Variants in CFAP46 observed in about 807,000 individuals in gnomAD.
CFAP46 encodes cilia- and flagella-associated protein 46.
A neutral mutation model predicts 325.7 loss-of-function variants in CFAP46; 245 were observed. The observed-to-expected ratio is 0.75, with a 90% CI of 0.68 to 0.84. CFAP46 has a LOEUF of 0.84. CFAP46 is among the 40% of genes least tolerant of loss of function. The probability of loss-of-function intolerance (pLI) is 0.00; values close to 1 mark genes in which losing one functional copy is unlikely to be tolerated. For synonymous variants in CFAP46, 1,523 were observed against 1,495.9 expected, an observed-to-expected ratio of 1.02 and a Z score of -0.42; for missense variants, 3,346 against 3,543.0, an observed-to-expected ratio of 0.94 and a Z score of 1.41.
Position 132,899,616 on chromosome 10 carries a change from T to C in CFAP46, c.2975A>G (p.Gln992Arg), listed in dbSNP as rs1214739321. The change falls in exon 23 of 58, where the codon CAG becomes CGG. Residue 992 changes from glutamine (Q) to arginine (R), a missense_variant. Transcript: ENST00000368586. ...AEMLCTATAI[Q>R]GRSIMENLKG... is the part of the protein sequence containing the mutation. ...CAGGTTTTCCATGATGCTCCTGCCC[T>C]GGATGGCCGTGGCTGTGCACAGCAT... 6.5e-7 allele frequency: 1 copy of C among 1,550,254 alleles called. No individual in the cohort carries two copies. The highest frequency in any genetic ancestry group is 8.7e-7 in the Non-Finnish European group (1 of 1,146,950).
At chr10:132,846,861 C>T in intron 43 of CFAP46, 71 bp downstream of exon 43, 1 of 1,507,724 alleles carries the variant, frequency 6.6e-7, no homozygotes, top group Non-Finnish European at 8.9e-7. Context: ...AGGCGAGGGC[C>T]CCAGCTGAAG....
chr10:132,813,946 G>A (rs925409807), intron 54 of CFAP46, among the ~76,000 whole-genome samples: 1 of 152,226 alleles, frequency 6.6e-6, no homozygotes, highest in Non-Finnish European at 1.5e-5. Context: ...GGGGGCCCCA[G>A]GTCGCCATCT....
intron 11 of CFAP46, among the ~76,000 whole-genome samples, chr10:132,924,040 C>T (rs772693463): frequency 1.1e-4 from 16 of 152,096 alleles, no homozygotes; most frequent in Admixed American, 7.2e-4. Flanking sequence ...ATTGTGCTGA[C>T]GGCAACGAAG....
At chr10:132,850,489 C>T in intron 40 of CFAP46, 57 bp from the exon 41 acceptor site, 1 of 1,463,444 alleles carries the variant, frequency 6.8e-7, no homozygotes, top group Non-Finnish European at 9.1e-7. Context: ...CCCACCCTGC[C>T]CAGGGGACCC....
At chr10:132,881,836 C>T (rs912353248) in intron 27 of CFAP46, among the ~76,000 whole-genome samples, 6 of 152,282 alleles carry the variant, frequency 3.9e-5, no homozygotes, top group African/African-American at 1.4e-4. Context: ...CTGTGGCTCT[C>T]TGAGCGCTGG....
At chr10:132,917,773 T>G (rs1444182771) in intron 16 of CFAP46, among the ~76,000 whole-genome samples, 2 of 152,280 alleles carry the variant, frequency 1.3e-5, no homozygotes, top group South Asian at 4.1e-4. Flanking sequence ...ATATCTGCAG[T>G]GGGTTAACAG....
At chr10:132,873,786 G>A (rs920295235) in intron 31 of CFAP46, among the ~76,000 whole-genome samples, 4 of 152,166 alleles carry the variant, frequency 2.6e-5, no homozygotes, top group African/African-American at 9.7e-5. Context: ...GAGGCTGATC[G>A]GGAGAGCGAG....
chr10:132,811,592 T>TG (rs992504077), intron 55 of CFAP46, among the ~76,000 whole-genome samples: 2 of 152,188 alleles, frequency 1.3e-5, no homozygotes, highest in African/African-American at 4.8e-5. Context: ...AGGGCAACCC[T>TG]GGGCGCTGCC....
At chr10:132,900,132 T>G (rs931102434) in intron 22 of CFAP46, among the ~76,000 whole-genome samples, 1 of 152,202 alleles carries the variant, frequency 6.6e-6, no homozygotes, top group African/African-American at 2.4e-5. Context: ...AATCATTAAC[T>G]GTTTTTTTAA....
rs1190582379 is a variant in CFAP46, at chr10:132,929,698, C to T, written c.966+7G>A. On this transcript the variant is annotated splice_region_variant and intron_variant, in intron 9 of 57. Coordinates refer to ENST00000368586, the MANE Select transcript of CFAP46 (RefSeq NM_001200049.3). ...TCCCCAGGCAGCAGTGTCATGAAGC[C>T]ACTTACTTTGCTTTCCATCTTCTTC... The T allele has an allele frequency of 6.2e-7, 1 of 1,612,898 alleles. No individual in the cohort carries two copies. The highest frequency in any genetic ancestry group is 8.5e-7 in the Non-Finnish European group (1 of 1,178,964).
chr10:132,899,311 C>T (rs912749753), intron 23 of CFAP46, among the ~76,000 whole-genome samples, 190 bp from the exon 24 acceptor site: 10 of 152,170 alleles, frequency 6.6e-5, no homozygotes, highest in African/African-American at 2.4e-4. Context: ...GAGGTCAGAC[C>T]CCCACCAAGG....
chr10:132,925,113 G>A (rs906998166), intron 10 of CFAP46, among the ~76,000 whole-genome samples: 1 of 151,912 alleles, frequency 6.6e-6, no homozygotes, highest in Non-Finnish European at 1.5e-5. Flanking sequence ...CCCACACATC[G>A]TGGCTGCGCC....
rs1265987500 is a variant in CFAP46 at position 132,884,112 on chromosome 10, C to T, written c.3627+991G>A. On this transcript the variant is annotated intron_variant, in intron 27 of 57. Coordinates refer to ENST00000368586, the MANE Select transcript of CFAP46 (RefSeq NM_001200049.3). This position sits in a 1 kb window ranked among gnomAD's most constrained non-coding sequence, Gnocchi z 5.4. Reference sequence around the variant, plus strand: ...TCAGCTGGGTCCTGCCTTCCCCAGCCGCCCGCAGCCTCCCCTCCTCAGGCC... The same window carrying T: ...TCAGCTGGGTCCTGCCTTCCCCAGCTGCCCGCAGCCTCCCCTCCTCAGGCC... Among the ~76,000 whole-genome samples the T allele has an allele frequency of 9.9e-5, 15 of 152,222 alleles. No homozygotes were observed. Among genetic ancestry groups the T allele is most frequent in the African/African-American group, 1.9e-4 (8 of 41,452 alleles).
At chr10:132,822,261 CTGTG>C (rs1413617499) in intron 50 of CFAP46, among the ~76,000 whole-genome samples, 3 of 44,822 alleles carry the variant, frequency 6.7e-5, no homozygotes, top group Admixed American at 4.1e-4. Flanking sequence ...CTGATGTGTG[CTGTG>C]TGTGTGCTGT....
At chr10:132,867,938 C>T (rs568313237) in intron 33 of CFAP46, among the ~76,000 whole-genome samples, 65 of 152,346 alleles carry the variant, frequency 4.3e-4, no homozygotes, top group Non-Finnish European at 7.9e-4. Flanking sequence ...CTCCACCTGG[C>T]CCCGGCCACG....
intron 50 of CFAP46, among the ~76,000 whole-genome samples, chr10:132,822,509 T>C (rs1847884401): frequency 7.6e-6 from 1 of 131,770 alleles, no homozygotes; most frequent in African/African-American, 3.0e-5. Context: ...GTGTGCTGTG[T>C]GCTGATGTGT....
intron 10 of CFAP46, among the ~76,000 whole-genome samples, chr10:132,925,199 C>T (rs577677501): frequency 3.3e-5 from 5 of 152,368 alleles, no homozygotes; most frequent in Admixed American, 6.5e-5. Context: ...GTGCTCGCTA[C>T]GCTTCCCACC....
At chr10:132,836,340 C>A in intron 45 of CFAP46, 122 bp from the exon 46 acceptor site, 1 of 859,256 alleles carries the variant, frequency 1.2e-6, no homozygotes, top group South Asian at 1.5e-5. Context: ...GGACGCCCAG[C>A]AGGGCCCTCC....
At chr10:132,848,944 A>G (rs970401423) in intron 41 of CFAP46, among the ~76,000 whole-genome samples, 2 of 152,232 alleles carry the variant, frequency 1.3e-5, no homozygotes, top group African/African-American at 4.8e-5. Context: ...GGGTTAGAGG[A>G]AAAATACAGC....
Sources: allele counts gnomAD v4.1 joint callset (sites outside exome capture counted in the v4.1 genomes callset), GRCh38; gene constraint gnomAD v4.1.1; non-coding constraint Gnocchi (gnomAD v3.1); transcripts MANE v1.5; gene names NCBI Gene and HGNC (gene_info 2026-07-23, HGNC 2026-07-21).